RASSF6: variants seen among roughly 807,000 people sequenced by gnomAD.
RASSF6 encodes the protein ras association domain-containing protein 6.
RASSF6 carries 52 observed loss-of-function variants against 44.0 expected under a neutral mutation model. The ratio of observed to expected loss-of-function variants is 1.18; its 90% confidence interval spans 0.95 to 1.49. The LOEUF (loss-of-function observed/expected upper bound fraction) is 1.49, where lower values mean the gene tolerates loss of function less well. Among genes scored for constraint, RASSF6 ranks in the 40% most tolerant of loss-of-function variants. The probability of loss-of-function intolerance (pLI) is 0.00; values close to 1 mark genes in which losing one functional copy is unlikely to be tolerated. For missense variants in RASSF6, 464 were observed against 393.3 expected (o/e 1.18, Z -1.52); for synonymous variants, 162 against 124.6 (o/e 1.30, Z -2.00).
intron 2 of RASSF6, 42 bp from the exon 3 acceptor site, chr4:73,598,760 T>C (rs1415420552): frequency 1.1e-6 from 1 of 900,826 alleles, no homozygotes; most frequent in Non-Finnish European, 1.7e-6. Context: ...TCTTAGAGTT[T>C]TTAACGTAAA....
upstream of RASSF6, chr4:73,620,513 C>T: frequency 1.3e-6 from 2 of 1,525,626 alleles, no homozygotes; most frequent in East Asian, 5.0e-5. Context: ...CTCAGCTGGG[C>T]GCTTGCAGTG....
At chr4:73,610,102 C>T (rs1375940645) in intron 2 of RASSF6, among the ~76,000 whole-genome samples, 1 of 152,104 alleles carries the variant, frequency 6.6e-6, no homozygotes, top group Non-Finnish European at 1.5e-5. Context: ...AAACCTGCTC[C>T]TCCTGTAGCT....
intron 1 of RASSF6, among the ~76,000 whole-genome samples, chr4:73,618,662 G>A (rs1407077041): frequency 2.0e-5 from 3 of 152,088 alleles, no homozygotes; most frequent in Admixed American, 6.5e-5. Context: ...ACTTCAGTTA[G>A]GTTGGGTTTA....
At chr4:73,609,717 T>G (rs1399768462) in intron 2 of RASSF6, among the ~76,000 whole-genome samples, 5 of 152,220 alleles carry the variant, frequency 3.3e-5, no homozygotes, top group Non-Finnish European at 7.3e-5. Flanking sequence ...GCTAAAAAAC[T>G]ACTTGCCAAG....
At chr4:73,615,918 A>G in intron 1 of RASSF6, 3 of 1,550,462 alleles carry the variant, frequency 1.9e-6, no homozygotes, top group Non-Finnish European at 2.6e-6. Flanking sequence ...GAATGAGGCC[A>G]GAGGACAGGA....
chr4:73,591,958 G>A (rs1724591373), intron 4 of RASSF6, among the ~76,000 whole-genome samples: 2 of 151,448 alleles, frequency 1.3e-5, no homozygotes, highest in Non-Finnish European at 2.9e-5. Flanking sequence ...ACAATTGACT[G>A]CATGTGTGTC....
intron 1 of RASSF6, among the ~76,000 whole-genome samples, chr4:73,612,585 A>G (rs912282029): frequency 6.6e-6 from 1 of 151,710 alleles, no homozygotes; most frequent in African/African-American, 2.4e-5. Context: ...AATAAAAATT[A>G]GGAAATTATA....
Position 73,580,908 on chromosome 4 carries a change from T to A in RASSF6, c.721+909A>T, listed in dbSNP as rs541542146. Among the ~76,000 whole-genome samples the A allele has an allele frequency of 2.8e-5, 4 of 144,388 alleles. No individual in the cohort carries two copies. In the East Asian group the frequency reaches 8.4e-4, roughly 30 times the overall value. The allele number at this position is 144,388 out of a possible 152,430, so 94.7% of individuals were successfully genotyped here. A position where few individuals can be genotyped will look rare whatever the true frequency, so the allele number is the denominator to read the frequency against. On this transcript the variant is annotated intron_variant, in intron 8 of 10. Coordinates refer to ENST00000307439, the MANE Select transcript of RASSF6 (RefSeq NM_177532.5). ...TCCCATTTGTCAATTTTGGCTTTTG[T>A]TGCCATTGCTTTTGGTGTTTTAGAC...
chr4:73,601,716 T>C (rs1725287595), intron 2 of RASSF6, among the ~76,000 whole-genome samples: 1 of 152,242 alleles, frequency 6.6e-6, no homozygotes, highest in Non-Finnish European at 1.5e-5. Context: ...AGAGAAACTT[T>C]TGAAGATGAT....
chr4:73,616,595 T>C (rs559589161), intron 1 of RASSF6, among the ~76,000 whole-genome samples: 1 of 152,154 alleles, frequency 6.6e-6, no homozygotes, highest in South Asian at 2.1e-4. Flanking sequence ...GTGATAATTA[T>C]TTCTTTTTTT....
intron 7 of RASSF6, 132 bp downstream of exon 7, chr4:73,582,057 A>T: frequency 1.5e-6 from 1 of 657,754 alleles, no homozygotes; most frequent in Middle Eastern, 4.2e-4. Context: ...ATACAAAGGA[A>T]AGAATCTTTC....
chr4:73,576,858 A>C lies in RASSF6; in HGVS notation c.722-127T>G, dbSNP rs190054366. ...AAAAATAACACCTGCAACAGGAGGC[A>C]ATTACTCAAAAAAGCAAATTGAAAT... On this transcript the variant is annotated intron_variant, in intron 8 of 10. Coordinates refer to ENST00000307439, the MANE Select transcript of RASSF6 (RefSeq NM_177532.5). 3.3e-5 allele frequency: 21 copies of C among 640,080 alleles called. No homozygotes were observed. In the African/African-American group the frequency reaches 3.6e-4, roughly 11 times the overall value. The allele number at this position is 640,080 out of a possible 1,614,324, so 39.7% of individuals were successfully genotyped here.
At chr4:73,590,762 G>T (rs1302539598) in intron 4 of RASSF6, among the ~76,000 whole-genome samples, 1 of 152,166 alleles carries the variant, frequency 6.6e-6, no homozygotes, top group African/African-American at 2.4e-5. Context: ...GTATGTAAAA[G>T]GAATGGGATC....
At chr4:73,594,832 G>C (rs2149381998) in intron 3 of RASSF6, among the ~76,000 whole-genome samples, 1 of 152,210 alleles carries the variant, frequency 6.6e-6, no homozygotes, top group Middle Eastern at 3.4e-3. Flanking sequence ...ACTCAATTAA[G>C]CCTTTGTATC....
At chr4:73,615,963 A>T in intron 1 of RASSF6, 1 of 1,537,382 alleles carries the variant, frequency 6.5e-7, no homozygotes. Context: ...CAAATGGGTC[A>T]GTCATTTAAA....
At chr4:73,589,283 T>C (rs1007301565) in intron 4 of RASSF6, among the ~76,000 whole-genome samples, 2 of 152,156 alleles carry the variant, frequency 1.3e-5, no homozygotes, top group Non-Finnish European at 2.9e-5. Context: ...AGGTCCTGAC[T>C]CAGAATCTAA....
chr4:73,615,804 C>A, intron 1 of RASSF6: 1 of 1,069,334 alleles, frequency 9.4e-7, no homozygotes, highest in Non-Finnish European at 1.4e-6. Flanking sequence ...CAGTGTTGGG[C>A]AGCATTAGCG....
chr4:73,587,703 A>G (rs1424192727), intron 5 of RASSF6, 137 bp downstream of exon 5: 4 of 417,668 alleles, frequency 9.6e-6, no homozygotes, highest in African/African-American at 8.0e-5. Context: ...TAAGATATTT[A>G]AAAATATATA....
Position 73,575,746 on chromosome 4 carries a change from C to T in RASSF6, c.*489G>A, listed in dbSNP as rs1339335367. The T allele has an allele frequency of 6.6e-6, 1 of 152,224 alleles. No homozygotes were observed. The highest frequency in any genetic ancestry group is 1.5e-5 in the Non-Finnish European group (1 of 68,120). 9.4% of individuals were successfully genotyped at this position (152,224 alleles called of 1,614,324 possible). Reference sequence around the variant, plus strand: ...AGTCAACAGGCCATTTAAGATAGTCCTAGATTTTATGAAAATGCCAGAGTT... The same window carrying T: ...AGTCAACAGGCCATTTAAGATAGTCTTAGATTTTATGAAAATGCCAGAGTT... On this transcript the variant is annotated 3_prime_UTR_variant, in exon 11 of 11. Transcript: ENST00000307439.
Sources: gnomAD v4.1 joint callset for allele counts (sites outside exome capture counted in the v4.1 genomes callset) on GRCh38, gnomAD v4.1.1 for gene constraint, MANE v1.5 for transcripts, NCBI Gene and HGNC (gene_info 2026-07-23, HGNC 2026-07-21) for gene names.